CNBD1: variants seen among roughly 807,000 people sequenced by gnomAD.
CNBD1 encodes cyclic nucleotide-binding domain-containing protein 1.
CNBD1 carries 71 observed loss-of-function variants against 54.4 expected under a neutral mutation model. That is an observed-to-expected ratio of 1.30 (90% CI 1.08 to 1.59). CNBD1 has a LOEUF of 1.59. Ranked by LOEUF, CNBD1 falls within the 40% of genes most tolerant of loss-of-function variation. The pLI is 0.00. For synonymous variants in CNBD1, 182 were observed against 170.7 expected, an observed-to-expected ratio of 1.07 and a Z score of -0.51; for missense variants, 659 against 518.0, an observed-to-expected ratio of 1.27 and a Z score of -2.64.
At chr8:87,200,222 A>G (rs1304071084) in intron 4 of CNBD1, among the ~76,000 whole-genome samples, 1 of 152,160 alleles carries the variant, frequency 6.6e-6, no homozygotes, top group Admixed American at 6.6e-5. Flanking sequence ...TCCCAACCTG[A>G]GGGAAACTGT....
intron 4 of CNBD1, among the ~76,000 whole-genome samples, chr8:87,008,250 T>A (rs1406268186): frequency 6.6e-6 from 1 of 152,224 alleles, no homozygotes; most frequent in Non-Finnish European, 1.5e-5. Context: ...TTTAACGTAA[T>A]CTTTATCTGA....
At chr8:86,928,189 G>C (rs1456916789) in intron 3 of CNBD1, among the ~76,000 whole-genome samples, 1 of 152,102 alleles carries the variant, frequency 6.6e-6, no homozygotes, top group Non-Finnish European at 1.5e-5. Flanking sequence ...TGCCAAAGAA[G>C]TTATATCCTT....
rs561386186 is a variant in CNBD1, at chr8:86,914,042, TTTAAGA to T, written c.272+8852_272+8857del. Among the ~76,000 whole-genome samples, 86 of 152,268 alleles carry T rather than the reference TTTAAGA, an allele frequency of 5.6e-4. 1 individual carries two copies. The highest frequency in any genetic ancestry group is 2.1e-3 in the African/African-American group (86 of 41,566). On this transcript the variant is annotated intron_variant, in intron 3 of 10. Coordinates refer to ENST00000518476, the MANE Select transcript of CNBD1 (RefSeq NM_173538.3). ...CCACCCAGCCCACAGGCAGCCAGAC[TTTAAGA>T]TTATTTCCCTTGTTCCCTGAAAATC...
chr8:87,202,216 C>T (rs896702843), intron 4 of CNBD1, among the ~76,000 whole-genome samples: 1 of 151,992 alleles, frequency 6.6e-6, no homozygotes, highest in African/African-American at 2.4e-5. Context: ...TATGTTAACA[C>T]AGTAACTGAC....
chr8:87,173,194 C>T (rs1329290211), intron 4 of CNBD1, among the ~76,000 whole-genome samples: 2 of 152,096 alleles, frequency 1.3e-5, no homozygotes, highest in African/African-American at 4.8e-5. Context: ...TTTGTCTTCC[C>T]ACTTTTTAAC....
intron 8 of CNBD1, among the ~76,000 whole-genome samples, chr8:87,299,284 T>C (rs1808939882): frequency 6.6e-6 from 1 of 152,176 alleles, no homozygotes; most frequent in African/African-American, 2.4e-5. Flanking sequence ...TTCTCCCCTG[T>C]CCCTTCTCCT....
At chr8:87,222,041 GTTATC>G (rs1814350468) in intron 5 of CNBD1, among the ~76,000 whole-genome samples, 1 of 152,056 alleles carries the variant, frequency 6.6e-6, no homozygotes, top group Admixed American at 6.6e-5. Flanking sequence ...TTATTGCTTT[GTTATC>G]TTATCTCTGC....
intron 8 of CNBD1, among the ~76,000 whole-genome samples, chr8:87,308,273 C>G (rs1563546168): frequency 6.6e-6 from 1 of 151,990 alleles, no homozygotes; most frequent in African/African-American, 2.4e-5. Context: ...TTTTTGGAAC[C>G]CTGGACTACC....
At chr8:86,937,163 A>C (rs374206991) in intron 3 of CNBD1, among the ~76,000 whole-genome samples, 1 of 152,190 alleles carries the variant, frequency 6.6e-6, no homozygotes, top group African/African-American at 2.4e-5. Flanking sequence ...CACATCTTAC[A>C]TGGCAGCAGG....
chr8:86,951,581 C>CAAAAAAAAAAAAA (rs71275901), intron 4 of CNBD1, among the ~76,000 whole-genome samples: 456 of 37,352 alleles, frequency 0.012, 158 homozygotes, highest in Middle Eastern at 0.077. Flanking sequence ...CTCCGTCTCA[C>CAAAAAAAAAAAAA]AAAAAAAAAA....
intron 4 of CNBD1, among the ~76,000 whole-genome samples, chr8:87,169,832 G>A (rs1279552788): frequency 5.3e-5 from 8 of 152,054 alleles, no homozygotes; most frequent in African/African-American, 1.2e-4. Context: ...CTTGAAATCA[G>A]GTAATGTGAT....
chr8:87,420,430 G>T (rs1048650622), intron 2 of CNBD1, among the ~76,000 whole-genome samples: 1 of 151,976 alleles, frequency 6.6e-6, no homozygotes, highest in Admixed American at 6.6e-5. Flanking sequence ...TACTGAAATG[G>T]AATCACATGG....
chr8:87,260,236 C>G (rs887500331), intron 6 of CNBD1, among the ~76,000 whole-genome samples: 1 of 152,112 alleles, frequency 6.6e-6, no homozygotes, highest in African/African-American at 2.4e-5. Flanking sequence ...TTCCTGTACC[C>G]TGGAAGGCAG....
At chr8:86,924,262 T>A (rs999739254) in intron 3 of CNBD1, among the ~76,000 whole-genome samples, 3 of 152,104 alleles carry the variant, frequency 2.0e-5, no homozygotes, top group Non-Finnish European at 4.4e-5. Context: ...TATACCTGAA[T>A]GGCTAGAACG....
At chr8:87,148,823 A>G (rs963909020) in intron 4 of CNBD1, among the ~76,000 whole-genome samples, 1 of 152,220 alleles carries the variant, frequency 6.6e-6, no homozygotes, top group Non-Finnish European at 1.5e-5. Flanking sequence ...AAGTCTCTGT[A>G]AGCTAGGTGA....
At chr8:87,111,616 G>C (rs2130704761) in intron 4 of CNBD1, among the ~76,000 whole-genome samples, 1 of 152,264 alleles carries the variant, frequency 6.6e-6, no homozygotes, top group East Asian at 1.9e-4. Flanking sequence ...TGAGAACTGG[G>C]AAAGGGATTG....
chr8:87,329,673 TTA>T lies in CNBD1; in HGVS notation c.1043-22010_1043-22009del, dbSNP rs1416071034. ...AGTGCTAATTTATAATTAAATAATA[TTA>T]TGTTTTTAATTTGAAATTCCATTTG... On this transcript the variant is annotated intron_variant, in intron 8 of 10. Transcript: ENST00000518476. Among the ~76,000 whole-genome samples the T allele has an allele frequency of 6.6e-5, 10 of 152,174 alleles. No individual in the cohort carries two copies. In the South Asian group the frequency reaches 1.9e-3, roughly 28 times the overall value.
intron 1 of CNBD1, among the ~76,000 whole-genome samples, chr8:86,886,667 T>C (rs1332491734): frequency 6.6e-6 from 1 of 152,206 alleles, no homozygotes; most frequent in Non-Finnish European, 1.5e-5. Flanking sequence ...GATGTCAAAT[T>C]CCAATTCTTC....
chr8:87,407,196 A>G (rs1213911280), intron 2 of CNBD1, among the ~76,000 whole-genome samples: 1 of 152,104 alleles, frequency 6.6e-6, no homozygotes, highest in African/African-American at 2.4e-5. Context: ...TTCAAAGTTA[A>G]TCACCTTTCT....
Sources: gnomAD v4.1 joint callset for allele counts (sites outside exome capture counted in the v4.1 genomes callset) on GRCh38, gnomAD v4.1.1 for gene constraint, MANE v1.5 for transcripts, NCBI Gene and HGNC (gene_info 2026-07-23, HGNC 2026-07-21) for gene names.